Variants in MAGI1 observed in about 807,000 individuals in gnomAD.
MAGI1 encodes the protein membrane associated guanylate kinase, WW and PDZ domain containing 1.
In MAGI1, 58 loss-of-function variants were observed where a neutral mutation model predicts 139.9. The ratio of observed to expected loss-of-function variants is 0.41; its 90% CI spans 0.34 to 0.52. The LOEUF (loss-of-function observed/expected upper bound fraction) is 0.52. MAGI1 is among the 20% of genes least tolerant of loss of function. MAGI1 has a pLI of 0.12. For missense variants in MAGI1, 1,874 were observed against 1,901.6 expected (o/e 0.99, Z 0.27); for synonymous variants, 812 against 737.9 (o/e 1.10, Z -1.63).
At chr3:65,800,638 T>TAAA (rs11446884) in intron 1 of MAGI1, among the ~76,000 whole-genome samples, 4,307 of 149,884 alleles carry the variant, frequency 0.029, 83 homozygotes, top group Middle Eastern at 0.042. Context: ...TTAATTAGAT[T>TAAA]AAAAAAAAAA....
At chr3:65,937,566 G>A (rs984447051) in intron 1 of MAGI1, among the ~76,000 whole-genome samples, 5 of 152,146 alleles carry the variant, frequency 3.3e-5, no homozygotes, top group Non-Finnish European at 2.9e-5. Context: ...TCTGCGGTGT[G>A]AAGCCATCAG....
intron 1 of MAGI1, among the ~76,000 whole-genome samples, chr3:65,742,042 C>G (rs796595462): frequency 3.3e-5 from 5 of 152,274 alleles, no homozygotes; most frequent in African/African-American, 1.2e-4. Flanking sequence ...TACTACGTGG[C>G]TTTCATTGCC....
chr3:65,459,320 T>C (rs1353837555), intron 5 of MAGI1, among the ~76,000 whole-genome samples: 1 of 152,352 alleles, frequency 6.6e-6, no homozygotes, highest in East Asian at 1.9e-4. Context: ...AGAATTGTTT[T>C]TTATATTTCT....
At chr3:65,646,086 A>C (rs897308721) in intron 1 of MAGI1, among the ~76,000 whole-genome samples, 1 of 152,130 alleles carries the variant, frequency 6.6e-6, no homozygotes, top group Non-Finnish European at 1.5e-5. Flanking sequence ...TCACCTAAAC[A>C]CACCAATTAA....
In MAGI1 at chr3:65,402,412, C is replaced by T. The variant is rs986946379; in HGVS notation, c.2168-942G>A. On this transcript the variant is annotated intron_variant, in intron 12 of 22. Transcript: ENST00000402939. ...GGGCAGACTTATGGGAAATCTACCA[C>T]CAGGGAAGGGTGCGAAAGACAGGCG... Among the ~76,000 whole-genome samples, 4 of 152,178 alleles carry T rather than the reference C, an allele frequency of 2.6e-5. No individual in the cohort carries two copies. In the South Asian group the frequency reaches 6.2e-4, roughly 24 times the overall value.
chr3:65,875,699 T>C (rs1423636037), intron 1 of MAGI1, among the ~76,000 whole-genome samples: 1 of 152,208 alleles, frequency 6.6e-6, no homozygotes, highest in African/African-American at 2.4e-5. Flanking sequence ...TATATCCTCA[T>C]TCTTAAAGAT....
In MAGI1 at chr3:65,605,364, A is replaced by G. The variant is rs1010317811; in HGVS notation, c.430+16608T>C. ...TTTCACCTGTGAAACTTTACACTAC[A>G]CTCACATACCAGCCAAATGAGTTCC... On this transcript the variant is annotated intron_variant, in intron 2 of 22. Transcript: ENST00000402939. 2.6e-5 allele frequency among the ~76,000 whole-genome samples: 4 copies of G among 152,052 alleles called. No individual in the cohort carries two copies. In the South Asian group the frequency reaches 6.2e-4, roughly 24 times the overall value.
chr3:65,438,903 A>G (rs9876674), intron 9 of MAGI1, among the ~76,000 whole-genome samples: 146,457 of 152,308 alleles, frequency 0.96, 70,471 homozygotes, highest in East Asian at 0.99. Context: ...TTGACTGTTT[A>G]AATCACGAAG....
At chr3:65,536,588 C>T (rs926172824) in intron 2 of MAGI1, among the ~76,000 whole-genome samples, 2 of 152,090 alleles carry the variant, frequency 1.3e-5, no homozygotes, top group Non-Finnish European at 2.9e-5. Flanking sequence ...CACTATTACC[C>T]ATTTTCTGGC....
At chr3:65,937,159 G>T (rs1224231630) in intron 1 of MAGI1, among the ~76,000 whole-genome samples, 1 of 152,124 alleles carries the variant, frequency 6.6e-6, no homozygotes, top group African/African-American at 2.4e-5. Context: ...AGACAAGGAG[G>T]CCTATGTTCT....
intron 2 of MAGI1, among the ~76,000 whole-genome samples, chr3:65,515,306 T>TA (rs906696343): frequency 2.0e-5 from 3 of 148,450 alleles, no homozygotes; most frequent in African/African-American, 2.5e-5. Flanking sequence ...ACTTAAAGTA[T>TA]AAAAAAAAAA....
At chr3:65,538,663 AG>A (rs2079067140) in intron 2 of MAGI1, among the ~76,000 whole-genome samples, 1 of 152,160 alleles carries the variant, frequency 6.6e-6, no homozygotes, top group Non-Finnish European at 1.5e-5. Flanking sequence ...TCAATCAGGA[AG>A]GTCCACTAGA....
intron 1 of MAGI1, among the ~76,000 whole-genome samples, chr3:65,696,781 C>T (rs1380671891): frequency 1.3e-5 from 2 of 152,036 alleles, no homozygotes; most frequent in African/African-American, 2.4e-5. Context: ...AAAGCCAAAC[C>T]CTTACAAATT....
intron 7 of MAGI1, among the ~76,000 whole-genome samples, chr3:65,443,772 A>T (rs1395526656): frequency 6.6e-6 from 1 of 152,186 alleles, no homozygotes; most frequent in Non-Finnish European, 1.5e-5. Flanking sequence ...GTCAAGGCAA[A>T]CTTATGTAAC....
intron 2 of MAGI1, among the ~76,000 whole-genome samples, chr3:65,547,781 G>C (rs1197691607): frequency 6.6e-6 from 1 of 152,130 alleles, no homozygotes. Context: ...CCTATGTTTA[G>C]GTACTCCATA....
chr3:65,356,554 G>C lies in MAGI1; in HGVS notation c.4213C>G (p.Arg1405Gly), dbSNP rs1435154802. 1.2e-6 allele frequency: 2 copies of C among 1,606,722 alleles called. No homozygotes were observed. Among genetic ancestry groups the C allele is most frequent in the African/African-American group, 1.3e-5 (1 of 74,390 alleles). Reference sequence around the variant, plus strand: ...CGCTCTCTCCTGCGCTCGGGGGAGCGTGCGCGCCTCCGGTCGGTGGACTTG... The same window carrying C: ...CGCTCTCTCCTGCGCTCGGGGGAGCCTGCGCGCCTCCGGTCGGTGGACTTG... ...RAKSTDRRRARSPERRRERSL... is the reference protein window; with the variant it reads ...RAKSTDRRRAGSPERRRERSL... Residue 1405 changes from arginine (R) to glycine (G), a missense_variant, in exon 23 of 23, where the codon CGC becomes GGC. Physicochemically the swap from Arg to Gly is moderately radical, Grantham distance 125 (BLOSUM62 -2). Transcript: ENST00000402939.
intron 1 of MAGI1, among the ~76,000 whole-genome samples, chr3:65,718,896 C>T (rs1345582359): frequency 6.6e-6 from 1 of 151,790 alleles, no homozygotes; most frequent in Non-Finnish European, 1.5e-5. Flanking sequence ...TTTCCTTCCT[C>T]CCTTCCTTTC....
intron 1 of MAGI1, among the ~76,000 whole-genome samples, chr3:65,811,964 G>T (rs560038525): frequency 6.6e-6 from 1 of 151,778 alleles, no homozygotes; most frequent in Non-Finnish European, 1.5e-5. Context: ...GTGTGTGAGA[G>T]AGAGAGCGTG....
intron 2 of MAGI1, among the ~76,000 whole-genome samples, chr3:65,500,911 T>C (rs2077055963): frequency 6.6e-6 from 1 of 152,204 alleles, no homozygotes; most frequent in African/African-American, 2.4e-5. Context: ...TTTCCTATTC[T>C]AACACAATCA....
Sources: allele counts gnomAD v4.1 joint callset (sites outside exome capture counted in the v4.1 genomes callset), GRCh38; gene constraint gnomAD v4.1.1; transcripts MANE v1.5; gene names NCBI Gene and HGNC (gene_info 2026-07-23, HGNC 2026-07-21).